The following MAD1L1 variants were observed in gnomAD, a reference collection of about 807,000 sequenced individuals.
MAD1L1 encodes the protein mitotic spindle assembly checkpoint protein MAD1.
In MAD1L1, 95 loss-of-function variants were observed where a neutral mutation model predicts 96.9. The observed-to-expected ratio is 0.98, with a 90% confidence interval of 0.83 to 1.16. The LOEUF (loss-of-function observed/expected upper bound fraction) is 1.16, where lower values mean the gene tolerates loss of function less well. Among genes scored for constraint, MAD1L1 ranks in the 50% most tolerant of loss-of-function variants. The pLI, the probability that MAD1L1 is intolerant of heterozygous loss-of-function variation, is 0.00. For missense variants in MAD1L1, 1,007 were observed against 954.4 expected, an observed-to-expected ratio of 1.06 and a Z score of -0.73; for synonymous variants, 473 against 396.6, an observed-to-expected ratio of 1.19 and a Z score of -2.29.
intron 10 of MAD1L1, among the ~76,000 whole-genome samples, chr7:2,169,702 G>A (rs967480591): frequency 1.4e-5 from 2 of 146,790 alleles, no homozygotes; most frequent in Non-Finnish European, 2.9e-5. Flanking sequence ...GGGGCACATG[G>A]AGCAGAGGCT....
In MAD1L1 at chr7:2,013,674, G is replaced by A. The variant is rs369498982; in HGVS notation, c.1359+828C>T. On this transcript the variant is annotated intron_variant, in intron 13 of 18. Coordinates refer to ENST00000265854, the MANE Select transcript of MAD1L1 (RefSeq NM_001013836.2). Reference sequence around the variant, plus strand: ...AAGACCCTGGCAGGTATCCCACCACGCCCAGGCGGGGCTGCACTGTGCCCA... The same window carrying A: ...AAGACCCTGGCAGGTATCCCACCACACCCAGGCGGGGCTGCACTGTGCCCA... Among the ~76,000 whole-genome samples, 97 of 152,394 alleles carry A rather than the reference G, an allele frequency of 6.4e-4. 2 individuals carry two copies. The South Asian group carries it at 0.016, about 25-fold the overall frequency.
chr7:2,221,479 C>T (rs564397994), intron 5 of MAD1L1, among the ~76,000 whole-genome samples: 303 of 152,240 alleles, frequency 2.0e-3, no homozygotes, highest in African/African-American at 6.9e-3. Context: ...CCTCCAGGAC[C>T]CCCGCTGCAC....
At chr7:1,962,219 A>T (rs1779984487) in intron 15 of MAD1L1, among the ~76,000 whole-genome samples, 1 of 152,172 alleles carries the variant, frequency 6.6e-6, no homozygotes, top group Admixed American at 6.5e-5. Flanking sequence ...GTCTCACAAG[A>T]TCTGATTTTA....
At chr7:1,898,845 T>C (rs1208244646) in intron 17 of MAD1L1, among the ~76,000 whole-genome samples, 1 of 152,188 alleles carries the variant, frequency 6.6e-6, no homozygotes, top group Non-Finnish European at 1.5e-5. Flanking sequence ...GTGCTGAGGA[T>C]GTGGGTCCCA....
intron 15 of MAD1L1, among the ~76,000 whole-genome samples, chr7:1,967,505 G>C (rs990908490): frequency 6.6e-6 from 1 of 152,220 alleles, no homozygotes; most frequent in African/African-American, 2.4e-5. Context: ...AATATTTACA[G>C]CACGCAAACA....
chr7:1,900,797 T>C (rs540367415), intron 17 of MAD1L1, among the ~76,000 whole-genome samples: 2 of 152,194 alleles, frequency 1.3e-5, no homozygotes, highest in Non-Finnish European at 2.9e-5. Context: ...GAAACAGCCC[T>C]GTTTTCCGAT....
intron 11 of MAD1L1, among the ~76,000 whole-genome samples, chr7:2,126,662 A>AC: frequency 6.6e-6 from 1 of 152,214 alleles, no homozygotes; most frequent in Non-Finnish European, 1.5e-5. Flanking sequence ...GCCCAGGAGC[A>AC]TCTCTGGGGA....
intron 18 of MAD1L1, among the ~76,000 whole-genome samples, chr7:1,888,172 G>C (rs907953431): frequency 6.7e-6 from 1 of 149,470 alleles, no homozygotes; most frequent in Admixed American, 6.7e-5. Flanking sequence ...GTGTGCAGCT[G>C]CCTGTGCGTG....
intron 11 of MAD1L1, among the ~76,000 whole-genome samples, chr7:2,091,305 T>C (rs1311918472): frequency 6.6e-6 from 1 of 152,052 alleles, no homozygotes; most frequent in Non-Finnish European, 1.5e-5. Context: ...GTCAGCTCCC[T>C]GTTGCTGGGT....
chr7:2,101,057 G>C (rs1054788808), intron 11 of MAD1L1, among the ~76,000 whole-genome samples: 2 of 152,214 alleles, frequency 1.3e-5, no homozygotes, highest in African/African-American at 4.8e-5. Context: ...CAAGAGGATG[G>C]GGGGAGTGCT....
chr7:2,051,176 C>A (rs1784150066), intron 12 of MAD1L1, among the ~76,000 whole-genome samples: 1 of 152,218 alleles, frequency 6.6e-6, no homozygotes, highest in Admixed American at 6.5e-5. Context: ...TTCCCAGACA[C>A]CCTGCAGGCC....
intron 18 of MAD1L1, among the ~76,000 whole-genome samples, chr7:1,868,230 G>A (rs1182930078): frequency 6.6e-6 from 1 of 151,996 alleles, no homozygotes; most frequent in East Asian, 1.9e-4. Context: ...AGAACAGGGA[G>A]CCAAGCCCCA....
intron 17 of MAD1L1, among the ~76,000 whole-genome samples, chr7:1,908,181 G>C (rs929657771): frequency 3.3e-5 from 5 of 152,230 alleles, no homozygotes; most frequent in African/African-American, 1.2e-4. Flanking sequence ...GCTGCAGCTG[G>C]AACTGGGGAC....
In MAD1L1 at chr7:1,968,845, C is replaced by T. The variant is rs137862076; in HGVS notation, c.1506-11126G>A. Reference sequence around the variant, plus strand: ...GAAAGACAAAACTGTCACCGACCAGCGGCAGAAGAGATGTGACGACTAAAA... The same window carrying T: ...GAAAGACAAAACTGTCACCGACCAGTGGCAGAAGAGATGTGACGACTAAAA... On this transcript the variant is annotated intron_variant, in intron 15 of 18. Coordinates refer to ENST00000265854, the MANE Select transcript of MAD1L1 (RefSeq NM_001013836.2). This position sits in a 1 kb window ranked among gnomAD's most constrained non-coding sequence, Gnocchi z 5.6. Among the ~76,000 whole-genome samples the T allele has an allele frequency of 1.3e-3, 204 of 152,306 alleles. 2 individuals are homozygous for T. In the East Asian group the frequency reaches 0.027, roughly 20 times the overall value.
In MAD1L1 at chr7:1,922,128, A is replaced by T. The variant is rs138666580; in HGVS notation, c.1807+14559T>A. ...GCCGACTACAGACCTGGAGAGCCACAGGCTGCAGGCGGGCTGAGGTCGGAA... is the reference window on the plus strand; with the variant it reads ...GCCGACTACAGACCTGGAGAGCCACTGGCTGCAGGCGGGCTGAGGTCGGAA... On this transcript the variant is annotated intron_variant, in intron 17 of 18. Transcript: ENST00000265854. Among the ~76,000 whole-genome samples, 966 of 152,374 alleles carry T rather than the reference A, an allele frequency of 6.3e-3. 12 individuals are homozygous for T. Among genetic ancestry groups the T allele is most frequent in the African/African-American group, 0.022 (911 of 41,586 alleles).
At chr7:2,041,006 C>T (rs1448600729) in intron 12 of MAD1L1, among the ~76,000 whole-genome samples, 1 of 152,188 alleles carries the variant, frequency 6.6e-6, no homozygotes, top group East Asian at 1.9e-4. Flanking sequence ...CTGCTGAGAA[C>T]CACAGAAGAG....
chr7:1,883,360 CTG>C (rs1244792377), intron 18 of MAD1L1, among the ~76,000 whole-genome samples: 2 of 152,214 alleles, frequency 1.3e-5, no homozygotes, highest in Non-Finnish European at 2.9e-5. Flanking sequence ...TAACACCAAA[CTG>C]TGACTCACAA....
chr7:2,090,071 G>C (rs1373086655), intron 11 of MAD1L1, among the ~76,000 whole-genome samples: 1 of 152,218 alleles, frequency 6.6e-6, no homozygotes, highest in Non-Finnish European at 1.5e-5. Flanking sequence ...GTCAGGAATG[G>C]CATGGTCGTG....
intron 18 of MAD1L1, among the ~76,000 whole-genome samples, chr7:1,880,329 G>C (rs940298671): frequency 3.3e-5 from 5 of 152,184 alleles, no homozygotes; most frequent in African/African-American, 1.2e-4. Context: ...CCTGCACCAG[G>C]TCATGATGTC....
Sources: gnomAD v4.1 joint callset for allele counts (sites outside exome capture counted in the v4.1 genomes callset) on GRCh38, gnomAD v4.1.1 for gene constraint, Gnocchi (gnomAD v3.1) non-coding constraint, MANE v1.5 for transcripts, NCBI Gene and HGNC (gene_info 2026-07-23, HGNC 2026-07-21) for gene names.